The following CHODL variants were observed in gnomAD, a reference collection of about 807,000 sequenced individuals.
The protein encoded by CHODL is transmembrane protein MT75.
In CHODL, 29 loss-of-function variants were observed where a neutral mutation model predicts 34.5. The ratio of observed to expected loss-of-function variants is 0.84; its 90% CI spans 0.63 to 1.15. CHODL has a LOEUF of 1.15. Ranked by LOEUF, CHODL falls within the 50% of genes most tolerant of loss-of-function variation. The pLI is 0.00. For missense variants in CHODL, 332 were observed against 332.5 expected, an observed-to-expected ratio of 1.00 and a Z score of 0.01; for synonymous variants, 125 against 116.1, an observed-to-expected ratio of 1.08 and a Z score of -0.49.
intron 1 of CHODL, among the ~76,000 whole-genome samples, chr21:17,987,836 A>C (rs894469398): frequency 1.3e-5 from 2 of 152,128 alleles, no homozygotes; most frequent in Admixed American, 6.6e-5. Context: ...ACCACCTGCT[A>C]TGTCTATTAT....
intron 2 of CHODL, among the ~76,000 whole-genome samples, chr21:18,121,339 A>G (rs2065476804): frequency 1.3e-5 from 2 of 152,174 alleles, no homozygotes; most frequent in Non-Finnish European, 2.9e-5. Flanking sequence ...AAGTTTACAA[A>G]TTTATGTTGG....
chr21:18,209,798 A>G (rs2073753709), intron 2 of CHODL, among the ~76,000 whole-genome samples: 1 of 152,054 alleles, frequency 6.6e-6, no homozygotes, highest in South Asian at 2.1e-4. Context: ...CTTCTGGCCC[A>G]GTGTGTGTCT....
rs1423402574 is a variant in CHODL at position 18,267,251 on chromosome 21, T to TATC, written c.*1214_*1216dup. 5 of 152,278 alleles carry TATC rather than the reference T, an allele frequency of 3.3e-5. No homozygotes were observed. The highest frequency in any genetic ancestry group is 5.9e-5 in the Non-Finnish European group (4 of 68,026). 9.4% of individuals were successfully genotyped at this position (152,278 alleles called of 1,614,324 possible). The stretch of plus-strand genomic sequence containing the variant: ...AGAAAATGGTGGCTCCTTTCTGTCT[T>TATC]ATCTCCTAGTTTCTTCAATGCTTAC... On this transcript the variant is annotated 3_prime_UTR_variant, in exon 6 of 6. Coordinates refer to ENST00000299295, the MANE Select transcript of CHODL (RefSeq NM_024944.3).
intron 2 of CHODL, among the ~76,000 whole-genome samples, chr21:18,214,512 C>T (rs1179140346): frequency 6.6e-6 from 1 of 152,080 alleles, no homozygotes; most frequent in South Asian, 2.1e-4. Context: ...ATATTATAAG[C>T]CTGGTTCAAT....
intron 1 of CHODL, among the ~76,000 whole-genome samples, chr21:17,926,985 C>G (rs1475647419): frequency 2.0e-5 from 3 of 150,930 alleles, no homozygotes; most frequent in Non-Finnish European, 2.9e-5. Flanking sequence ...CAGACACACA[C>G]ACACACACGC....
chr21:17,985,759 G>A lies in CHODL; in HGVS notation c.-144-42113G>A, dbSNP rs373167983. Reference sequence around the variant, plus strand: ...CAACAAAATGAAAATAGCTCTTGGGGAAATAACCACTTAAACTAGCCACTT... The same window carrying A: ...CAACAAAATGAAAATAGCTCTTGGGAAAATAACCACTTAAACTAGCCACTT... On this transcript the variant is annotated intron_variant, in intron 1 of 6. Transcript: ENST00000400127. Among the ~76,000 whole-genome samples, 41 of 152,288 alleles carry A rather than the reference G, an allele frequency of 2.7e-4. No individual in the cohort carries two copies. The East Asian group carries it at 2.7e-3, about 10-fold the overall frequency.
intron 1 of CHODL, among the ~76,000 whole-genome samples, chr21:18,022,947 C>G (rs2064141147): frequency 6.6e-6 from 1 of 152,156 alleles, no homozygotes; most frequent in Non-Finnish European, 1.5e-5. Flanking sequence ...AAGAGATAAG[C>G]ATGAAAGGGC....
chr21:18,150,917 C>G (rs1568912198), intron 2 of CHODL, among the ~76,000 whole-genome samples: 1 of 151,758 alleles, frequency 6.6e-6, no homozygotes, highest in Non-Finnish European at 1.5e-5. Context: ...AACCCCGTCT[C>G]TACCAAAAAT....
chr21:18,184,079 C>T (rs189349288), intron 2 of CHODL, among the ~76,000 whole-genome samples: 1 of 152,234 alleles, frequency 6.6e-6, no homozygotes, highest in African/African-American at 2.4e-5. Context: ...AATTAGTTTA[C>T]TCTTTCTAAT....
upstream of CHODL, among the ~76,000 whole-genome samples, chr21:18,243,029 G>C (rs1177790040): frequency 2.0e-5 from 3 of 152,120 alleles, no homozygotes; most frequent in Non-Finnish European, 4.4e-5. Flanking sequence ...GCATGAAAGG[G>C]GAAAGGAGAT....
At chr21:18,251,853 A>G (rs2074260730) in intron 1 of CHODL, among the ~76,000 whole-genome samples, 1 of 150,248 alleles carries the variant, frequency 6.7e-6, no homozygotes, top group Admixed American at 6.7e-5. Flanking sequence ...ATTCAGTGCA[A>G]TCTATACGAC....
intron 1 of CHODL, among the ~76,000 whole-genome samples, chr21:17,986,453 T>C (rs1288710663): frequency 1.3e-5 from 2 of 152,084 alleles, no homozygotes; most frequent in African/African-American, 4.8e-5. Flanking sequence ...CTGAGAATGA[T>C]GGTTTGCAGC....
At chr21:18,050,779 T>A (rs769109378) in intron 2 of CHODL, among the ~76,000 whole-genome samples, 2 of 151,814 alleles carry the variant, frequency 1.3e-5, no homozygotes, top group Non-Finnish European at 2.9e-5. Flanking sequence ...TATTAGGTTA[T>A]CCTAGAAGAA....
intron 5 of CHODL, 74 bp downstream of exon 5, chr21:18,262,967 G>T: frequency 1.2e-6 from 1 of 814,384 alleles, no homozygotes; most frequent in South Asian, 1.5e-5. Context: ...AAAACTATTA[G>T]CATAAAGTTA....
At chr21:18,001,216 AAG>A (rs1056237968) in intron 1 of CHODL, among the ~76,000 whole-genome samples, 125 of 152,364 alleles carry the variant, frequency 8.2e-4, no homozygotes, top group African/African-American at 2.7e-3. Flanking sequence ...AAGCAAGAAA[AAG>A]AGCCAAATGA....
At chr21:18,017,360 G>T (rs572955388) in intron 1 of CHODL, among the ~76,000 whole-genome samples, 1 of 152,282 alleles carries the variant, frequency 6.6e-6, no homozygotes, top group Non-Finnish European at 1.5e-5. Flanking sequence ...TTTTCACATT[G>T]GTTGTTTAAA....
intron 1 of CHODL, among the ~76,000 whole-genome samples, chr21:17,990,437 C>T (rs2063788129): frequency 6.6e-6 from 1 of 152,004 alleles, no homozygotes; most frequent in Admixed American, 6.6e-5. Context: ...ATCGTTCTTT[C>T]CTGTATAGAA....
chr21:18,262,760 C>A (rs569778144), intron 4 of CHODL, 31 bp from the exon 5 acceptor site: 3 of 1,241,016 alleles, frequency 2.4e-6, no homozygotes, highest in African/African-American at 1.5e-5. Flanking sequence ...CCTCAACTAT[C>A]TTTTCACATG....
At chr21:18,128,322 AAAAAAAAAAAAAAAAAAAAGAAG>A (rs1568900370) in intron 2 of CHODL, among the ~76,000 whole-genome samples, 3 of 136,266 alleles carry the variant, frequency 2.2e-5, no homozygotes, top group African/African-American at 5.3e-5. Context: ...AAAAAAAAAA[AAAAAAAAAAAAAAAAAAAAGAAG>A]AAGAAGAAGA....
Sources: gnomAD v4.1 joint callset for allele counts (sites outside exome capture counted in the v4.1 genomes callset) on GRCh38, gnomAD v4.1.1 for gene constraint, MANE v1.5 for transcripts, NCBI Gene and HGNC (gene_info 2026-07-23, HGNC 2026-07-21) for gene names.